Variants in ZBTB44 observed in about 807,000 individuals in gnomAD.
The protein encoded by ZBTB44 is zinc finger and BTB domain containing 44.
In ZBTB44, 15 loss-of-function variants were observed where a neutral mutation model predicts 54.0. The ratio of observed to expected loss-of-function variants is 0.28; its 90% CI spans 0.19 to 0.43. ZBTB44 has a LOEUF of 0.43. Ranked by LOEUF, ZBTB44 falls within the 20% of genes least tolerant of loss-of-function variation. The pLI, the probability that ZBTB44 is intolerant of heterozygous loss-of-function variation, is 1.00. For synonymous variants in ZBTB44, 230 were observed against 250.1 expected (o/e 0.92, Z 0.76); for missense variants, 487 against 707.1 (o/e 0.69, Z 3.53).
In ZBTB44 at chr11:130,231,641, G is replaced by A. The variant is rs1222023184; in HGVS notation, c.*123C>T. 1.3e-5 allele frequency: 2 copies of A among 152,044 alleles called. No homozygotes were observed. Among genetic ancestry groups the A allele is most frequent in the African/African-American group, 2.4e-5 (1 of 41,406 alleles). The allele number at this position is 152,044 out of a possible 1,614,324, so 9.4% of individuals were successfully genotyped here. A position where few individuals can be genotyped will look rare whatever the true frequency, so the allele number is the denominator to read the frequency against. On this transcript the variant is annotated 3_prime_UTR_variant, in exon 8 of 8. Coordinates refer to ENST00000357899, the MANE Select transcript of ZBTB44 (RefSeq NM_001301098.2). ...ATCAATCTGCAAACCATTCTTACAC[G>A]TTTCTCTTCTTTATTCTTCTTTCCT...
chr11:130,240,436 T>C (rs763399205), intron 2 of ZBTB44, among the ~76,000 whole-genome samples: 8 of 152,218 alleles, frequency 5.3e-5, no homozygotes, highest in East Asian at 1.9e-4. Flanking sequence ...AAATATTTCT[T>C]TGACACATTT....
intron 1 of ZBTB44, among the ~76,000 whole-genome samples, chr11:130,283,989 A>G (rs1940739674): frequency 6.8e-6 from 1 of 147,568 alleles, no homozygotes; most frequent in African/African-American, 2.5e-5. Flanking sequence ...AAAAAAAAAA[A>G]AAAAAAAAAG....
chr11:130,239,993 T>C, intron 2 of ZBTB44, 97 bp from the exon 3 acceptor site: 1 of 802,458 alleles, frequency 1.2e-6, no homozygotes, highest in Non-Finnish European at 2.0e-6. Flanking sequence ...CTGACATATA[T>C]TATCTAGTGT....
intron 1 of ZBTB44, chr11:130,296,537 G>GT (rs1290795351): frequency 2.2e-6 from 2 of 891,748 alleles, no homozygotes; most frequent in African/African-American, 3.3e-5. Context: ...CAACTGGATT[G>GT]TTCACTATGA....
rs58860118 is a variant in ZBTB44 at position 130,281,516 on chromosome 11, A to AAAATAAATAAAT, written c.-56-19599_-56-19588dup. The stretch of plus-strand genomic sequence containing the variant: ...GCCTGGGCAACAGAGACCCTGTCTC[A>AAAATAAATAAAT]AAATAAATAAATAAATAAATAAATA... On this transcript the variant is annotated intron_variant, in intron 1 of 7. Coordinates refer to ENST00000357899, the MANE Select transcript of ZBTB44 (RefSeq NM_001301098.2). Among the ~76,000 whole-genome samples, 863 of 138,826 alleles carry AAAATAAATAAAT rather than the reference A, an allele frequency of 6.2e-3. 6 individuals carry two copies. Among genetic ancestry groups the AAAATAAATAAAT allele is most frequent in the Middle Eastern group, 0.018 (5 of 272 alleles). The allele number at this position is 138,826 out of a possible 152,430, so 91.1% of individuals were successfully genotyped here. A position where few individuals can be genotyped will look rare whatever the true frequency, so the allele number is the denominator to read the frequency against.
At chr11:130,300,735 G>A (rs749381895) in intron 1 of ZBTB44, among the ~76,000 whole-genome samples, 45 of 152,114 alleles carry the variant, frequency 3.0e-4, no homozygotes, top group Non-Finnish European at 4.9e-4. Context: ...AGCCACAGAG[G>A]AATCACTGAT....
chr11:130,246,075 T>C (rs536733673), intron 2 of ZBTB44, among the ~76,000 whole-genome samples: 23 of 152,304 alleles, frequency 1.5e-4, no homozygotes, highest in African/African-American at 4.8e-4. Context: ...CAAGCTAAAA[T>C]GAGTTAAAAC....
chr11:130,229,981 C>T lies in ZBTB44; in HGVS notation c.*1783G>A, dbSNP rs1953816233. 6.6e-6 allele frequency: 1 copy of T among 151,918 alleles called. No homozygotes were observed. The highest frequency in any genetic ancestry group is 6.6e-5 in the Admixed American group (1 of 15,236). The allele number at this position is 151,918 out of a possible 1,614,324, so 9.4% of individuals were successfully genotyped here. On this transcript the variant is annotated 3_prime_UTR_variant, in exon 8 of 8. Coordinates refer to ENST00000357899, the MANE Select transcript of ZBTB44 (RefSeq NM_001301098.2). ...CTTCATACTTTGCAGATGACTGAAACAAAGTAACATATGAAAGTTTCTAAT... is the reference window on the plus strand; with the variant it reads ...CTTCATACTTTGCAGATGACTGAAATAAAGTAACATATGAAAGTTTCTAAT...
At chr11:130,294,791 CAT>C (rs1348807004) in intron 1 of ZBTB44, among the ~76,000 whole-genome samples, 1 of 152,088 alleles carries the variant, frequency 6.6e-6, no homozygotes, top group African/African-American at 2.4e-5. Flanking sequence ...CTATTCACAT[CAT>C]ATTATTTTAT....
At chr11:130,295,845 A>G in intron 1 of ZBTB44, 1 of 1,400,674 alleles carries the variant, frequency 7.1e-7, no homozygotes, top group Non-Finnish European at 1.0e-6. Flanking sequence ...TAGCCATGCA[A>G]ATTTTTGGTG....
rs1218149550 is a variant in ZBTB44 at position 130,227,780 on chromosome 11, AT to A, written c.*3983del. ...TTATTTAAAAAATTGTTACATCAAA[AT>A]TTTTTTCCTTCAAATCTGTGTCCTT... is the stretch of plus-strand genomic sequence containing the variant. On this transcript the variant is annotated 3_prime_UTR_variant, in exon 8 of 8. Coordinates refer to ENST00000357899, the MANE Select transcript of ZBTB44 (RefSeq NM_001301098.2). The A allele has an allele frequency of 1.3e-5, 2 of 152,066 alleles. No homozygotes were observed. The highest frequency in any genetic ancestry group is 2.9e-5 in the Non-Finnish European group (2 of 68,018). 9.4% of individuals were successfully genotyped at this position (152,066 alleles called of 1,614,324 possible). A position where few individuals can be genotyped will look rare whatever the true frequency, so the allele number is the denominator to read the frequency against.
At chr11:130,292,544 G>C (rs1333107949) in intron 1 of ZBTB44, among the ~76,000 whole-genome samples, 1 of 152,070 alleles carries the variant, frequency 6.6e-6, no homozygotes, top group African/African-American at 2.4e-5. Context: ...AAATAAAAGT[G>C]TGCATTGAAA....
chr11:130,295,588 A>C lies in ZBTB44; in HGVS notation c.-57+18787T>G, dbSNP rs1041845865. 4.5e-5 allele frequency: 33 copies of C among 726,260 alleles called. No homozygotes were observed. The Admixed American group carries it at 6.9e-4, about 15-fold the overall frequency. The allele number at this position is 726,260 out of a possible 1,614,324, so 45.0% of individuals were successfully genotyped here. On this transcript the variant is annotated intron_variant, in intron 1 of 7. Coordinates refer to ENST00000357899, the MANE Select transcript of ZBTB44 (RefSeq NM_001301098.2). The stretch of plus-strand genomic sequence containing the variant: ...TCACAGGAGCATTTGAGGATACTTC[A>C]TTTGCTTCTCTACATAATATTGTCA...
At chr11:130,313,957 TATATATA>T (rs201461795) in intron 1 of ZBTB44, among the ~76,000 whole-genome samples, 15 of 149,292 alleles carry the variant, frequency 1.0e-4, no homozygotes, top group Non-Finnish European at 1.8e-4. Context: ...TGTATATATA[TATATATA>T]TATTTTTTTA....
At chr11:130,306,450 C>G (rs997671537) in intron 1 of ZBTB44, among the ~76,000 whole-genome samples, 1 of 151,302 alleles carries the variant, frequency 6.6e-6, no homozygotes, top group Non-Finnish European at 1.5e-5. Flanking sequence ...TGCAGTGAGC[C>G]GAGATTGCGC....
At chr11:130,250,688 C>T (rs1399521914) in intron 2 of ZBTB44, among the ~76,000 whole-genome samples, 1 of 152,100 alleles carries the variant, frequency 6.6e-6, no homozygotes, top group Non-Finnish European at 1.5e-5. Flanking sequence ...AAAAGAGGGG[C>T]CTGTTAGAAG....
chr11:130,298,223 G>A (rs140045142), intron 1 of ZBTB44, among the ~76,000 whole-genome samples: 167 of 151,868 alleles, frequency 1.1e-3, no homozygotes, highest in African/African-American at 3.9e-3. Flanking sequence ...AACACACACA[G>A]CCTGGACCTC....
At chr11:130,292,868 A>T (rs892598276) in intron 1 of ZBTB44, among the ~76,000 whole-genome samples, 2 of 152,196 alleles carry the variant, frequency 1.3e-5, no homozygotes, top group Admixed American at 1.3e-4. Context: ...TTATTAAAAT[A>T]AGACGTTTCT....
At chr11:130,313,222 G>A (rs138099544) in intron 1 of ZBTB44, among the ~76,000 whole-genome samples, 4 of 152,204 alleles carry the variant, frequency 2.6e-5, no homozygotes, top group African/African-American at 7.2e-5. Flanking sequence ...GTAATTCTTC[G>A]TATCACTAAG....
Sources: gnomAD v4.1 joint callset for allele counts (sites outside exome capture counted in the v4.1 genomes callset) on GRCh38, gnomAD v4.1.1 for gene constraint, MANE v1.5 for transcripts, NCBI Gene and HGNC (gene_info 2026-07-23, HGNC 2026-07-21) for gene names.